The following MACROD2 variants were observed in gnomAD, a reference collection of about 807,000 sequenced individuals.
MACROD2 encodes mono-ADP ribosylhydrolase 2.
Under a neutral mutation model 70.4 loss-of-function variants are expected in MACROD2, and 36 were observed. The ratio of observed to expected loss-of-function variants is 0.51; its 90% CI spans 0.39 to 0.68. MACROD2 has a LOEUF of 0.68. Among genes scored for constraint, MACROD2 ranks in the 30% least tolerant of loss-of-function variants. MACROD2 has a pLI of 0.00. For missense variants in MACROD2, 496 were observed against 538.4 expected (o/e 0.92, Z 0.78); for synonymous variants, 172 against 178.8 (o/e 0.96, Z 0.30).
At chr20:14,170,774 T>C (rs1489825084) in intron 3 of MACROD2, among the ~76,000 whole-genome samples, 1 of 152,184 alleles carries the variant, frequency 6.6e-6, no homozygotes, top group Non-Finnish European at 1.5e-5. Flanking sequence ...TTTTTGCATC[T>C]ATGTTCATTA....
At chr20:15,080,432 G>A (rs1287584817) in intron 5 of MACROD2, among the ~76,000 whole-genome samples, 3 of 152,012 alleles carry the variant, frequency 2.0e-5, no homozygotes, top group Admixed American at 6.6e-5. Context: ...CTTCCTTTCC[G>A]AAACACCTTG....
intron 6 of MACROD2, among the ~76,000 whole-genome samples, chr20:15,400,616 C>T (rs2045915929): frequency 6.6e-6 from 1 of 152,128 alleles, no homozygotes; most frequent in South Asian, 2.1e-4. Context: ...AAGGGGACTT[C>T]TGGGAGCAGT....
At chr20:14,034,348 C>T (rs546979239) in intron 2 of MACROD2, among the ~76,000 whole-genome samples, 1 of 152,294 alleles carries the variant, frequency 6.6e-6, no homozygotes, top group South Asian at 2.1e-4. Context: ...TAATCACCCC[C>T]TATTCATAAG....
At chr20:16,040,336 C>G (rs2067291471) in intron 15 of MACROD2, among the ~76,000 whole-genome samples, 2 of 151,896 alleles carry the variant, frequency 1.3e-5, no homozygotes, top group Admixed American at 1.3e-4. Context: ...TTAACATACT[C>G]TGGACACAGT....
chr20:15,898,626 T>C (rs533128629), intron 10 of MACROD2, among the ~76,000 whole-genome samples: 1 of 150,630 alleles, frequency 6.6e-6, no homozygotes, highest in East Asian at 2.0e-4. Flanking sequence ...AGTGGGGTCC[T>C]GTAATCTGTG....
chr20:14,263,381 G>A (rs2082116195), intron 3 of MACROD2, among the ~76,000 whole-genome samples: 1 of 152,178 alleles, frequency 6.6e-6, no homozygotes, highest in Non-Finnish European at 1.5e-5. Flanking sequence ...ACTAGGAGTG[G>A]AAGCTAGAAC....
At position 14,886,595 on chromosome 20, in the gene MACROD2, A is replaced by G. The variant is rs539545603; in HGVS notation, c.418+201636A>G. Among the ~76,000 whole-genome samples, 8 of 152,226 alleles carry G rather than the reference A, an allele frequency of 5.3e-5. No homozygotes were observed. In the South Asian group the frequency reaches 1.5e-3, roughly 28 times the overall value. Reference sequence around the variant, plus strand: ...TAACTTGGTTCTATCCCTTACTAGTATCTCATTTCTGGGAGGAGAGGACTC... The same window carrying G: ...TAACTTGGTTCTATCCCTTACTAGTGTCTCATTTCTGGGAGGAGAGGACTC... On this transcript the variant is annotated intron_variant, in intron 5 of 17. Transcript: ENST00000684519.
At position 15,300,380 on chromosome 20, in the gene MACROD2, A is replaced by G. The variant is rs183715151; in HGVS notation, c.540+70319A>G. 3.3e-5 allele frequency among the ~76,000 whole-genome samples: 5 copies of G among 152,228 alleles called. No homozygotes were observed. In the East Asian group the frequency reaches 9.7e-4, roughly 29 times the overall value. On this transcript the variant is annotated intron_variant, in intron 6 of 17. Transcript: ENST00000684519. ...CCAGAGAGGGATTTTGTAGGTTCAG[A>G]GTGTGGCCTGGGTTTGGGGATTTTT...
At chr20:14,574,759 C>A (rs976693040) in intron 4 of MACROD2, among the ~76,000 whole-genome samples, 8 of 151,008 alleles carry the variant, frequency 5.3e-5, no homozygotes, top group African/African-American at 1.9e-4. Flanking sequence ...CGCCTGTAAT[C>A]CCAGCACTTT....
At chr20:14,177,628 A>G (rs1005272130) in intron 3 of MACROD2, among the ~76,000 whole-genome samples, 40 of 152,108 alleles carry the variant, frequency 2.6e-4, no homozygotes, top group Non-Finnish European at 4.1e-4. Context: ...GATTTCTTCT[A>G]TAACTAAAAC....
chr20:15,574,821 A>T (rs1421063944), intron 8 of MACROD2, among the ~76,000 whole-genome samples: 1 of 152,184 alleles, frequency 6.6e-6, no homozygotes, highest in African/African-American at 2.4e-5. Context: ...GGCATGAGCA[A>T]ATGGCTGCAT....
intron 13 of MACROD2, among the ~76,000 whole-genome samples, chr20:15,969,837 C>T (rs2066202661): frequency 6.6e-6 from 1 of 151,668 alleles, no homozygotes; most frequent in South Asian, 2.1e-4. Context: ...GTTCCAAAAG[C>T]CCTTTGAACT....
chr20:15,118,913 T>C (rs1055548322), intron 5 of MACROD2, among the ~76,000 whole-genome samples: 1 of 152,230 alleles, frequency 6.6e-6, no homozygotes, highest in Non-Finnish European at 1.5e-5. Context: ...CACAGATTAT[T>C]TTTTATTTGA....
In MACROD2 at chr20:14,326,005, GTT is replaced by G; in HGVS notation, c.272-167472_272-167471del. The G allele has an allele frequency of 6.2e-7, 1 of 1,613,942 alleles. No individual in the cohort carries two copies. The highest frequency in any genetic ancestry group is 8.5e-7 in the Non-Finnish European group (1 of 1,179,876). On this transcript the variant is annotated intron_variant, in intron 3 of 17. Transcript: ENST00000684519. The surrounding 1 kb of genome is among the most constrained non-coding windows in gnomAD (Gnocchi z 5.5). ...AGGGTTGTACATTCGAAGGGGTGCA[GTT>G]TCAGTCTCAATACAAACAGGAGTTT...
intron 3 of MACROD2, among the ~76,000 whole-genome samples, chr20:14,322,202 T>G (rs62207605): frequency 1.9e-5 from 1 of 53,748 alleles, no homozygotes. Flanking sequence ...ATATATATAT[T>G]TTGTATTTTG....
intron 2 of MACROD2, among the ~76,000 whole-genome samples, chr20:14,004,215 A>G (rs1219507705): frequency 6.6e-6 from 1 of 152,204 alleles, no homozygotes; most frequent in Admixed American, 6.5e-5. Context: ...GGACTACTCA[A>G]CCTGTAGTAA....
intron 5 of MACROD2, among the ~76,000 whole-genome samples, chr20:14,737,461 A>G (rs1166387698): frequency 6.6e-6 from 1 of 152,140 alleles, no homozygotes. Context: ...TCCTTTGGGT[A>G]TATACCCAGT....
intron 3 of MACROD2, among the ~76,000 whole-genome samples, chr20:14,146,327 A>C (rs2148708665): frequency 6.6e-6 from 1 of 152,294 alleles, no homozygotes; most frequent in South Asian, 2.1e-4. Context: ...CTCAGGAAAA[A>C]AAAAACAAAA....
chr20:14,615,148 C>T (rs111481734), intron 4 of MACROD2, among the ~76,000 whole-genome samples: 3,605 of 152,166 alleles, frequency 0.024, 61 homozygotes, highest in South Asian at 0.037. Flanking sequence ...TTAAGTTGGG[C>T]TGCAGGGGGC....
Sources: allele counts gnomAD v4.1 joint callset (sites outside exome capture counted in the v4.1 genomes callset), GRCh38; gene constraint gnomAD v4.1.1; non-coding constraint Gnocchi (gnomAD v3.1); transcripts MANE v1.5; gene names NCBI Gene and HGNC (gene_info 2026-07-23, HGNC 2026-07-21).